AVEN: variants seen among roughly 807,000 people sequenced by gnomAD.
AVEN encodes cell death regulator Aven.
In AVEN, 41 loss-of-function variants were observed where a neutral mutation model predicts 38.1. The ratio of observed to expected loss-of-function variants is 1.08; its 90% confidence interval spans 0.84 to 1.40. AVEN has a LOEUF of 1.40. Among genes scored for constraint, AVEN ranks in the 40% most tolerant of loss-of-function variants. The pLI is 0.00. For synonymous variants in AVEN, 206 were observed against 171.8 expected, an observed-to-expected ratio of 1.20 and a Z score of -1.56; for missense variants, 605 against 438.8, an observed-to-expected ratio of 1.38 and a Z score of -3.38.
downstream of AVEN, chr15:33,854,346 C>G (rs767713798): frequency 6.6e-7 from 1 of 1,511,152 alleles, no homozygotes; most frequent in South Asian, 1.2e-5. Flanking sequence ...ACTTAACTAC[C>G]TCTTGACATT....
intron 3 of AVEN, among the ~76,000 whole-genome samples, chr15:33,871,736 G>C (rs147416112): frequency 6.6e-4 from 94 of 142,756 alleles, no homozygotes; most frequent in South Asian, 5.9e-3. Context: ...AGAAGGGACT[G>C]ACAGGTGTTG....
chr15:33,865,368 T>A, downstream of AVEN: 2 of 640,080 alleles, frequency 3.1e-6, no homozygotes, highest in Non-Finnish European at 5.4e-6. Context: ...AAATCTGTGC[T>A]ATTTTGAAAT....
At chr15:33,905,826 GAAAAAA>G (rs36006399) in intron 2 of AVEN, among the ~76,000 whole-genome samples, 1 of 143,232 alleles carries the variant, frequency 7.0e-6, no homozygotes, top group Non-Finnish European at 1.5e-5. Context: ...TTTCGGGAAA[GAAAAAA>G]AAAAAAAAAA....
intron 4 of AVEN, among the ~76,000 whole-genome samples, chr15:33,868,733 G>A (rs540088122): frequency 1.9e-4 from 29 of 152,174 alleles, no homozygotes; most frequent in African/African-American, 5.8e-4. Context: ...CAAAAGCTAC[G>A]GTATTAGAAG....
At position 34,031,168 on chromosome 15, in the gene AVEN, A is replaced by ATTTTTTT. The variant is rs34414446; in HGVS notation, c.267+7605_267+7611dup. Among the ~76,000 whole-genome samples the ATTTTTTT allele has an allele frequency of 1.5e-3, 100 of 67,592 alleles. 7 individuals carry two copies. The highest frequency in any genetic ancestry group is 3.0e-3 in the African/African-American group (50 of 16,556). 44.3% of individuals were successfully genotyped at this position (67,592 alleles called of 152,430 possible). On this transcript the variant is annotated intron_variant, in intron 1 of 5. Transcript: ENST00000306730. Reference sequence around the variant, plus strand: ...TCCCAATTATGCTTTGCTTAGGTTAATTTTTTTTTTTTTTTTTTTTTTTGA... The same window carrying ATTTTTTT: ...TCCCAATTATGCTTTGCTTAGGTTAATTTTTTTTTTTTTTTTTTTTTTTTTTTTTTGA...
chr15:33,913,135 C>T (rs906580005), intron 2 of AVEN, among the ~76,000 whole-genome samples: 5 of 152,072 alleles, frequency 3.3e-5, no homozygotes, highest in Admixed American at 1.3e-4. Flanking sequence ...GTGATTCACC[C>T]GCCTCGGCCT....
At chr15:33,963,046 C>A (rs533798600) in intron 2 of AVEN, among the ~76,000 whole-genome samples, 1 of 151,808 alleles carries the variant, frequency 6.6e-6, no homozygotes, top group East Asian at 1.9e-4. Context: ...GAGAACAACT[C>A]CTAACAGTTA....
In AVEN at chr15:33,948,759, A is replaced by C. The variant is rs138527897; in HGVS notation, c.445+54273T>G. ...ACAATCTCAGCTCACTGGAACCTCT[A>C]CCTCCTGGGTTCAAGTGATTCTCCT... On this transcript the variant is annotated intron_variant, in intron 2 of 5. Coordinates refer to ENST00000306730, the MANE Select transcript of AVEN (RefSeq NM_020371.3). Among the ~76,000 whole-genome samples the C allele has an allele frequency of 8.2e-3, 1,242 of 151,788 alleles. 10 individuals carry two copies. The highest frequency in any genetic ancestry group is 0.014 in the Non-Finnish European group (952 of 67,904).
chr15:34,001,515 A>AT (rs1316275306), intron 2 of AVEN, among the ~76,000 whole-genome samples: 1 of 152,156 alleles, frequency 6.6e-6, no homozygotes, highest in Non-Finnish European at 1.5e-5. Context: ...ACCAGCTCAT[A>AT]TTTTACCTTC....
At chr15:33,859,949 A>C (rs2080150443) in intron 11 of AVEN, among the ~76,000 whole-genome samples, 1 of 152,222 alleles carries the variant, frequency 6.6e-6, no homozygotes, top group Non-Finnish European at 1.5e-5. Flanking sequence ...ATCCATACAG[A>C]GGAACCCCTT....
At chr15:33,864,430 G>C (rs1889711387), downstream of AVEN, among the ~76,000 whole-genome samples, 1 of 151,170 alleles carries the variant, frequency 6.6e-6, no homozygotes, top group South Asian at 2.1e-4. Context: ...TGGAGGTGGG[G>C]AGAACATTAC....
chr15:33,967,763 T>C (rs561434392), intron 2 of AVEN, among the ~76,000 whole-genome samples: 2 of 151,974 alleles, frequency 1.3e-5, no homozygotes, highest in African/African-American at 2.4e-5. Flanking sequence ...AATTATGAAA[T>C]TGACATTTAA....
At chr15:33,957,372 G>C (rs1396539076) in intron 2 of AVEN, among the ~76,000 whole-genome samples, 1 of 152,070 alleles carries the variant, frequency 6.6e-6, no homozygotes, top group African/African-American at 2.4e-5. Flanking sequence ...ATCTTCACTA[G>C]AGTCAATAAA....
At chr15:33,895,469 G>T (rs1316812127) in intron 2 of AVEN, among the ~76,000 whole-genome samples, 1 of 151,810 alleles carries the variant, frequency 6.6e-6, no homozygotes, top group Non-Finnish European at 1.5e-5. Context: ...GGGACTACAG[G>T]TATTCACCAC....
intron 2 of AVEN, among the ~76,000 whole-genome samples, chr15:33,949,018 CAACA>C (rs1894618036): frequency 6.6e-6 from 1 of 151,794 alleles, no homozygotes; most frequent in Admixed American, 6.6e-5. Context: ...CAACTCATTT[CAACA>C]AACAGTTCTT....
chr15:34,037,066 G>A (rs1022212269), intron 1 of AVEN, among the ~76,000 whole-genome samples: 14 of 151,186 alleles, frequency 9.3e-5, no homozygotes, highest in Non-Finnish European at 2.1e-4. Context: ...CCAAGATCAT[G>A]CCATTGCACT....
chr15:33,931,051 A>C (rs1041143052), intron 2 of AVEN, among the ~76,000 whole-genome samples: 2 of 151,718 alleles, frequency 1.3e-5, no homozygotes, highest in Admixed American at 1.3e-4. Flanking sequence ...GGCAGATCCC[A>C]TATTTTTACA....
rs33928063 is a variant in AVEN at position 33,918,458 on chromosome 15, C to CTTT, written c.446-42466_446-42464dup. Among the ~76,000 whole-genome samples the CTTT allele has an allele frequency of 7.5e-3, 631 of 84,506 alleles. 87 individuals carry two copies. Among genetic ancestry groups the CTTT allele is most frequent in the African/African-American group, 0.028 (573 of 20,244 alleles). The allele number at this position is 84,506 out of a possible 152,430, so 55.4% of individuals were successfully genotyped here. ...GTGTCTTCCCAGTCTTAAATTACAG[C>CTTT]TTTTTTTTTTTTTTTTTTTTTTTTT... On this transcript the variant is annotated intron_variant, in intron 2 of 5. Coordinates refer to ENST00000306730, the MANE Select transcript of AVEN (RefSeq NM_020371.3).
chr15:34,062,691 T>C, intron 5 of AVEN: 2 of 1,584,456 alleles, frequency 1.3e-6, no homozygotes, highest in Non-Finnish European at 1.7e-6. Flanking sequence ...AACCTAACAC[T>C]ATTTACTGTA....
Sources: gnomAD v4.1 joint callset for allele counts (sites outside exome capture counted in the v4.1 genomes callset) on GRCh38, gnomAD v4.1.1 for gene constraint, MANE v1.5 for transcripts, NCBI Gene and HGNC (gene_info 2026-07-23, HGNC 2026-07-21) for gene names.